The following SHANK2 variants were observed in gnomAD, a reference collection of about 807,000 sequenced individuals.
The protein encoded by SHANK2 is SH3 and multiple ankyrin repeat domains 2.
In SHANK2, 43 loss-of-function variants were observed where a neutral mutation model predicts 133.7. The observed-to-expected ratio is 0.32, with a 90% CI of 0.25 to 0.41. The LOEUF is 0.41. Among genes scored for constraint, SHANK2 ranks in the 10% least tolerant of loss-of-function variants. The pLI, the probability that SHANK2 is intolerant of heterozygous loss-of-function variation, is 1.00. For synonymous variants in SHANK2, 1,017 were observed against 952.8 expected (o/e 1.07, Z -1.24); for missense variants, 1,994 against 2,235.8 (o/e 0.89, Z 2.18).
chr11:70,917,956 G>A (rs543465526), intron 10 of SHANK2, among the ~76,000 whole-genome samples: 1 of 151,954 alleles, frequency 6.6e-6, no homozygotes, highest in African/African-American at 2.4e-5. Context: ...AAACCCCCAA[G>A]ACATGTGTTT....
At chr11:70,924,989 T>C (rs192061319) in intron 10 of SHANK2, among the ~76,000 whole-genome samples, 5 of 152,230 alleles carry the variant, frequency 3.3e-5, no homozygotes, top group African/African-American at 9.6e-5. Flanking sequence ...GGGGGGCAGA[T>C]TGAGCACCCA....
At position 71,252,096 on chromosome 11, in the gene SHANK2, C is replaced by T. The variant is rs1215320135; in HGVS notation, c.-113+329G>A. On this transcript the variant is annotated intron_variant, in intron 1 of 25. Coordinates refer to ENST00000601538, the MANE Select transcript of SHANK2 (RefSeq NM_012309.5). This position sits in a 1 kb window ranked among gnomAD's most constrained non-coding sequence, Gnocchi z 6.3. ...AGGACGCGCCAGAGACTACGTGGTC[C>T]ATGCGCGCAGGAGATAAAGCGGGGG... Among the ~76,000 whole-genome samples, 2 of 152,178 alleles carry T rather than the reference C, an allele frequency of 1.3e-5. No homozygotes were observed. Among genetic ancestry groups the T allele is most frequent in the Admixed American group, 6.5e-5 (1 of 15,290 alleles).
chr11:70,553,383 G>A (rs1340881767), intron 17 of SHANK2, among the ~76,000 whole-genome samples: 3 of 152,248 alleles, frequency 2.0e-5, no homozygotes, highest in Non-Finnish European at 4.4e-5. Flanking sequence ...GTGAGCCACC[G>A]TGCCCGGCCT....
At chr11:70,844,363 G>A (rs1342319881) in intron 11 of SHANK2, among the ~76,000 whole-genome samples, 2 of 151,502 alleles carry the variant, frequency 1.3e-5, no homozygotes, top group South Asian at 2.1e-4. Flanking sequence ...GGCCGGGGGC[G>A]GGGCATGAAA....
intron 14 of SHANK2, among the ~76,000 whole-genome samples, chr11:70,784,177 CT>C (rs1227465561): frequency 6.6e-6 from 1 of 151,292 alleles, no homozygotes; most frequent in Non-Finnish European, 1.5e-5. Flanking sequence ...ACAGAAACCC[CT>C]GCTTTTTTTT....
At chr11:71,152,057 T>A (rs1555108190) in intron 2 of SHANK2, among the ~76,000 whole-genome samples, 1 of 150,452 alleles carries the variant, frequency 6.6e-6, no homozygotes, top group East Asian at 1.9e-4. Context: ...CAGATATCTT[T>A]TAGATATGTC....
chr11:70,905,757 T>C (rs1428942553), intron 10 of SHANK2, among the ~76,000 whole-genome samples: 1 of 152,012 alleles, frequency 6.6e-6, no homozygotes, highest in Non-Finnish European at 1.5e-5. Context: ...CCTCTGGAGC[T>C]ATAACAGATC....
At position 71,148,897 on chromosome 11, in the gene SHANK2, G is replaced by A. The variant is rs538292745; in HGVS notation, c.-12-1559C>T. 1.5e-4 allele frequency among the ~76,000 whole-genome samples: 23 copies of A among 152,214 alleles called. 1 individual carries two copies. The highest frequency in any genetic ancestry group is 6.2e-4 in the South Asian group (3 of 4,810). On this transcript the variant is annotated intron_variant, in intron 2 of 25. Transcript: ENST00000601538. ...TGGTACATGGGCATTTTCACCGTGC[G>A]TAACGGCACAGAAGCAGTCAACTGG...
At chr11:70,780,007 C>T (rs1361055043) in intron 14 of SHANK2, among the ~76,000 whole-genome samples, 1 of 152,154 alleles carries the variant, frequency 6.6e-6, no homozygotes, top group Non-Finnish European at 1.5e-5. Flanking sequence ...GGACTTGGAC[C>T]TATAAGGACA....
chr11:70,522,083 C>T (rs1393676338), intron 17 of SHANK2, among the ~76,000 whole-genome samples: 1 of 152,252 alleles, frequency 6.6e-6, no homozygotes, highest in African/African-American at 2.4e-5. Flanking sequence ...CTACCTCCAC[C>T]TCCTAGGCAG....
chr11:70,608,134 T>C (rs1002902756), intron 17 of SHANK2, among the ~76,000 whole-genome samples: 4 of 152,154 alleles, frequency 2.6e-5, no homozygotes, highest in Non-Finnish European at 5.9e-5. Flanking sequence ...CTGACCCTAA[T>C]TTGCAAGAGA....
At chr11:70,702,662 G>A (rs1182889221) in intron 14 of SHANK2, among the ~76,000 whole-genome samples, 2 of 152,178 alleles carry the variant, frequency 1.3e-5, no homozygotes, top group African/African-American at 4.8e-5. Flanking sequence ...TTTATCTACT[G>A]TCAAGTGTGG....
intron 17 of SHANK2, among the ~76,000 whole-genome samples, chr11:70,599,672 T>C (rs955098034): frequency 2.1e-5 from 3 of 142,292 alleles, no homozygotes; most frequent in African/African-American, 8.1e-5. Flanking sequence ...GGCACCTGTA[T>C]TTCCAGCTAC....
intron 2 of SHANK2, among the ~76,000 whole-genome samples, chr11:71,147,784 G>A (rs1278483792): frequency 6.6e-6 from 1 of 152,226 alleles, no homozygotes; most frequent in Non-Finnish European, 1.5e-5. Flanking sequence ...ATGGGCTTCA[G>A]GTCAGAATGG....
intron 6 of SHANK2, among the ~76,000 whole-genome samples, chr11:71,102,887 G>A (rs1443990268): frequency 6.6e-6 from 1 of 152,230 alleles, no homozygotes; most frequent in Non-Finnish European, 1.5e-5. Flanking sequence ...GCTTAAAAGT[G>A]ACAGACATGC....
intron 17 of SHANK2, among the ~76,000 whole-genome samples, chr11:70,576,150 G>A (rs551555701): frequency 5.6e-4 from 86 of 152,292 alleles, no homozygotes; most frequent in Middle Eastern, 3.4e-3. Context: ...GGAACTACCT[G>A]TCCCTCAGCA....
At position 71,187,412 on chromosome 11, in the gene SHANK2, C is replaced by T. The variant is rs143998087; in HGVS notation, c.-13+37285G>A. Among the ~76,000 whole-genome samples, 545 of 151,238 alleles carry T rather than the reference C, an allele frequency of 3.6e-3. 6 individuals are homozygous for T. Among genetic ancestry groups the T allele is most frequent in the African/African-American group, 0.012 (495 of 41,122 alleles). ...GAGACAGTTTTTCATGGGTTTCTCA[C>T]GTTTTATTCAGGGACAGTTCTTCAT... On this transcript the variant is annotated intron_variant, in intron 2 of 25. Transcript: ENST00000601538.
chr11:70,942,566 G>A, intron 10 of SHANK2: 2 of 456,682 alleles, frequency 4.4e-6, no homozygotes, highest in Non-Finnish European at 8.8e-6. Flanking sequence ...CATGAGATTT[G>A]GTGGGGACAA....
intron 1 of SHANK2, among the ~76,000 whole-genome samples, chr11:71,241,315 A>T (rs1954888294): frequency 6.6e-6 from 1 of 152,232 alleles, no homozygotes; most frequent in African/African-American, 2.4e-5. Flanking sequence ...CTACATGATC[A>T]ACTCAGGGTG....
Sources: gnomAD v4.1 joint callset for allele counts (sites outside exome capture counted in the v4.1 genomes callset) on GRCh38, gnomAD v4.1.1 for gene constraint, Gnocchi (gnomAD v3.1) non-coding constraint, MANE v1.5 for transcripts, NCBI Gene and HGNC (gene_info 2026-07-23, HGNC 2026-07-21) for gene names.